The following CNTN4 variants were observed in gnomAD, a reference collection of about 807,000 sequenced individuals.
The protein encoded by CNTN4 is contactin-4.
In CNTN4, 77 loss-of-function variants were observed where a neutral mutation model predicts 122.5. The ratio of observed to expected loss-of-function variants is 0.63; its 90% confidence interval spans 0.52 to 0.76. The LOEUF (loss-of-function observed/expected upper bound fraction) is 0.76, where lower values mean the gene tolerates loss of function less well. Ranked by LOEUF, CNTN4 falls within the 30% of genes least tolerant of loss-of-function variation. The pLI is 0.00. For missense variants in CNTN4, 1,256 were observed against 1,259.1 expected, an observed-to-expected ratio of 1.00 and a Z score of 0.04; for synonymous variants, 512 against 447.0, an observed-to-expected ratio of 1.15 and a Z score of -1.83.
At chr3:2,364,501 C>G (rs1318171888) in intron 3 of CNTN4, among the ~76,000 whole-genome samples, 1 of 152,006 alleles carries the variant, frequency 6.6e-6, no homozygotes, top group Admixed American at 6.6e-5. Flanking sequence ...AAAAACCTCT[C>G]AAATGTTAGC....
At chr3:2,389,090 G>C (rs557171016) in intron 3 of CNTN4, among the ~76,000 whole-genome samples, 11 of 152,150 alleles carry the variant, frequency 7.2e-5, no homozygotes, top group Middle Eastern at 3.4e-3. Flanking sequence ...GAACCTGGGA[G>C]GGGGAGGTTG....
intron 2 of CNTN4, among the ~76,000 whole-genome samples, chr3:2,155,801 G>A (rs182686068): frequency 3.9e-5 from 6 of 152,252 alleles, no homozygotes; most frequent in Admixed American, 1.3e-4. Flanking sequence ...TGCGTTTTAC[G>A]TGAAATACCT....
chr3:2,996,821 G>A (rs964378460), intron 14 of CNTN4, among the ~76,000 whole-genome samples: 2 of 152,116 alleles, frequency 1.3e-5, no homozygotes, highest in Non-Finnish European at 2.9e-5. Flanking sequence ...ATTTAGCTAT[G>A]AATGCGATAA....
chr3:2,181,619 A>G (rs976676971), intron 2 of CNTN4, among the ~76,000 whole-genome samples: 1 of 152,124 alleles, frequency 6.6e-6, no homozygotes, highest in Non-Finnish European at 1.5e-5. Flanking sequence ...TACATTTTAA[A>G]TACAAGGGCT....
At chr3:2,414,468 A>G (rs1186916862) in intron 3 of CNTN4, among the ~76,000 whole-genome samples, 3 of 152,202 alleles carry the variant, frequency 2.0e-5, no homozygotes, top group Admixed American at 6.5e-5. Context: ...AATATGTAAA[A>G]TGACTCTCAA....
chr3:3,009,726 C>G (rs569909181), intron 14 of CNTN4, among the ~76,000 whole-genome samples: 11 of 152,328 alleles, frequency 7.2e-5, no homozygotes, highest in African/African-American at 4.8e-5. Context: ...AGCCACCGCG[C>G]CCGGCCAGCA....
intron 5 of CNTN4, among the ~76,000 whole-genome samples, chr3:2,743,233 G>A (rs1176757585): frequency 6.6e-6 from 1 of 152,012 alleles, no homozygotes; most frequent in East Asian, 1.9e-4. Context: ...ATCATTTGAA[G>A]TAAGAGTTAT....
chr3:2,282,820 AG>A, intron 2 of CNTN4, among the ~76,000 whole-genome samples: 1 of 152,016 alleles, frequency 6.6e-6, no homozygotes, highest in Non-Finnish European at 1.5e-5. Context: ...AGGCATAAAA[AG>A]GAATGAAGTT....
intron 4 of CNTN4, among the ~76,000 whole-genome samples, chr3:2,679,774 C>A (rs1180919320): frequency 1.3e-5 from 2 of 152,154 alleles, no homozygotes; most frequent in East Asian, 1.9e-4. Context: ...GAGAAGTCTT[C>A]CACAACTATA....
At chr3:2,427,702 T>A (rs1344724578) in intron 3 of CNTN4, among the ~76,000 whole-genome samples, 2 of 150,552 alleles carry the variant, frequency 1.3e-5, no homozygotes, top group Non-Finnish European at 2.9e-5. Flanking sequence ...ATTGTGTGGA[T>A]GTCTAAGTCT....
chr3:2,617,294 A>ATCTACCCATGT (rs2081795846), intron 4 of CNTN4, among the ~76,000 whole-genome samples: 2 of 152,178 alleles, frequency 1.3e-5, no homozygotes, highest in Admixed American at 1.3e-4. Flanking sequence ...CAAATTTTCA[A>ATCTACCCATGT]GAAAAAAACA....
intron 2 of CNTN4, among the ~76,000 whole-genome samples, chr3:2,215,286 A>G (rs1192056481): frequency 1.3e-5 from 2 of 152,152 alleles, no homozygotes; most frequent in South Asian, 2.1e-4. Flanking sequence ...TTCCCCCTGT[A>G]TTTGATATGA....
At chr3:2,351,861 G>A (rs2044639379) in intron 3 of CNTN4, among the ~76,000 whole-genome samples, 1 of 152,034 alleles carries the variant, frequency 6.6e-6, no homozygotes, top group Admixed American at 6.5e-5. Context: ...AAGGTACAAA[G>A]TTTCATGTAT....
chr3:2,287,779 GAGAAGA>G (rs1183720471), intron 2 of CNTN4, among the ~76,000 whole-genome samples: 29 of 139,968 alleles, frequency 2.1e-4, no homozygotes, highest in Non-Finnish European at 3.1e-4. Flanking sequence ...GAAGAAGAAG[GAGAAGA>G]AGAGGAGGAA....
At chr3:2,686,605 G>A (rs1203172548) in intron 4 of CNTN4, among the ~76,000 whole-genome samples, 1 of 152,052 alleles carries the variant, frequency 6.6e-6, no homozygotes, top group Non-Finnish European at 1.5e-5. Context: ...CCACAATCAA[G>A]CTAATGAACA....
chr3:2,672,639 T>A (rs547530118), intron 4 of CNTN4, among the ~76,000 whole-genome samples: 1 of 152,332 alleles, frequency 6.6e-6, no homozygotes, highest in South Asian at 2.1e-4. Context: ...CCCAGTGAGA[T>A]GTACCTGGTA....
rs567266205 is a variant in CNTN4, at chr3:2,916,677, G to A, written c.1208-8952G>A. 5.7e-4 allele frequency among the ~76,000 whole-genome samples: 71 copies of A among 125,540 alleles called. 19 individuals are homozygous for A. In the East Asian group the frequency reaches 0.014, roughly 24 times the overall value. The allele number at this position is 125,540 out of a possible 152,430, so 82.4% of individuals were successfully genotyped here. A position where few individuals can be genotyped will look rare whatever the true frequency, so the allele number is the denominator to read the frequency against. On this transcript the variant is annotated intron_variant, in intron 12 of 24. Transcript: ENST00000418658. ...TCCCCCCCTTCCACTCGACAAAACC[G>A]CCATCGTCATCATGGCCCGTTCTCA...
At chr3:2,591,566 G>C (rs1411500780) in intron 4 of CNTN4, among the ~76,000 whole-genome samples, 1 of 53,960 alleles carries the variant, frequency 1.9e-5, no homozygotes, top group Admixed American at 1.5e-4. Context: ...GGGTTTCACC[G>C]TTTTAGCCAG....
At chr3:2,993,122 A>T (rs2125324914) in intron 14 of CNTN4, among the ~76,000 whole-genome samples, 1 of 152,278 alleles carries the variant, frequency 6.6e-6, no homozygotes, top group East Asian at 1.9e-4. Flanking sequence ...TAGCTGGTTG[A>T]GAAAAAAACC....
Sources: gnomAD v4.1 joint callset for allele counts (sites outside exome capture counted in the v4.1 genomes callset) on GRCh38, gnomAD v4.1.1 for gene constraint, MANE v1.5 for transcripts, NCBI Gene and HGNC (gene_info 2026-07-23, HGNC 2026-07-21) for gene names.